Variants in RARB observed in about 807,000 individuals in gnomAD.
The protein encoded by RARB is retinoic acid receptor beta.
Under a neutral mutation model 51.9 loss-of-function variants are expected in RARB, and 17 were observed. The observed-to-expected ratio is 0.33, with a 90% CI of 0.22 to 0.49. The LOEUF is 0.49. Among genes scored for constraint, RARB ranks in the 20% least tolerant of loss-of-function variants. The pLI is 0.99. For synonymous variants in RARB, 215 were observed against 195.4 expected (o/e 1.10, Z -0.84); for missense variants, 369 against 550.8 (o/e 0.67, Z 3.30).
intron 3 of RARB, among the ~76,000 whole-genome samples, chr3:25,557,043 C>T (rs557375304): frequency 7.9e-5 from 12 of 152,048 alleles, no homozygotes; most frequent in Non-Finnish European, 1.3e-4. Flanking sequence ...TTGCATAAGG[C>T]AGTTTCTCAC....
At chr3:25,210,493 A>T (rs968115110) in intron 5 of RARB, among the ~76,000 whole-genome samples, 3 of 140,522 alleles carry the variant, frequency 2.1e-5, no homozygotes, top group South Asian at 2.3e-4. Flanking sequence ...CAGAGACTTC[A>T]TCTGACCCCT....
At chr3:25,148,955 T>A (rs889222926) in intron 4 of RARB, among the ~76,000 whole-genome samples, 10 of 147,660 alleles carry the variant, frequency 6.8e-5, no homozygotes, top group African/African-American at 2.2e-4. Context: ...CTCTGGCCTA[T>A]CTTTGTAGCC....
chr3:25,029,738 C>T (rs936932970), intron 2 of RARB, among the ~76,000 whole-genome samples: 2 of 152,166 alleles, frequency 1.3e-5, no homozygotes, highest in South Asian at 2.1e-4. Flanking sequence ...GAATAAGTCA[C>T]GTGTGGCACA....
intron 2 of RARB, among the ~76,000 whole-genome samples, chr3:24,977,019 T>A (rs1410600527): frequency 5.9e-5 from 9 of 152,218 alleles, no homozygotes. Flanking sequence ...AAATAGGGAA[T>A]CCTTTTCCCA....
chr3:25,158,209 A>T (rs1700410371), intron 4 of RARB, among the ~76,000 whole-genome samples: 1 of 152,176 alleles, frequency 6.6e-6, no homozygotes, highest in South Asian at 2.1e-4. Context: ...TATCCTGGGG[A>T]CTGGCTACCA....
chr3:25,585,154 A>C (rs73820554), intron 5 of RARB, among the ~76,000 whole-genome samples: 2,640 of 152,254 alleles, frequency 0.017, 67 homozygotes, highest in African/African-American at 0.06. Context: ...TGAAGATGGC[A>C]ATAGAAGCTT....
intron 5 of RARB, among the ~76,000 whole-genome samples, chr3:25,197,028 T>A (rs1201897854): frequency 6.6e-6 from 1 of 152,168 alleles, no homozygotes; most frequent in African/African-American, 2.4e-5. Context: ...GCCTGTTCAC[T>A]CTCATGGTAG....
chr3:25,318,457 A>C (rs985466123), intron 5 of RARB, among the ~76,000 whole-genome samples: 1 of 152,190 alleles, frequency 6.6e-6, no homozygotes, highest in African/African-American at 2.4e-5. Context: ...ATTGTACTAA[A>C]ATGGATGGTG....
rs376641774 is a variant in RARB at position 24,909,415 on chromosome 3, C to T, written c.-380+50663C>T. ...TGCTCTCCAGCACATTAATTTTTGA[C>T]GTATTAAAGTTCACTGACGCGGGTG... On this transcript the variant is annotated intron_variant, in intron 2 of 11. Coordinates refer to the RARB transcript ENST00000383772. Among the ~76,000 whole-genome samples the T allele has an allele frequency of 1.7e-3, 252 of 152,150 alleles. 1 individual carries two copies. In the Middle Eastern group the frequency reaches 0.017, roughly 10 times the overall value.
rs536716451 is a variant in RARB, at chr3:25,469,851, G to C, written c.306+8510G>C. Among the ~76,000 whole-genome samples, 38 of 152,292 alleles carry C rather than the reference G, an allele frequency of 2.5e-4. No homozygotes were observed. The South Asian group carries it at 6.8e-3, about 27-fold the overall frequency. On this transcript the variant is annotated intron_variant, in intron 2 of 7. Coordinates refer to ENST00000330688, the MANE Select transcript of RARB (RefSeq NM_000965.5). The stretch of plus-strand genomic sequence containing the variant: ...GCAGAAAACATGAGAAGCTAGGTGT[G>C]GTAAAAGGATTTAAATTCTGGCTTT...
chr3:25,520,811 C>T (rs1698369868), intron 3 of RARB, among the ~76,000 whole-genome samples: 1 of 152,122 alleles, frequency 6.6e-6, no homozygotes, highest in Admixed American at 6.6e-5. Flanking sequence ...AACTTATTAC[C>T]CTTCACTGAA....
chr3:24,840,009 A>G (rs1000780948), intron 1 of RARB, among the ~76,000 whole-genome samples: 2 of 152,106 alleles, frequency 1.3e-5, no homozygotes, highest in African/African-American at 4.8e-5. Context: ...CAAACTAATG[A>G]GACTTTGAGT....
At chr3:24,985,913 C>G (rs935636565) in intron 2 of RARB, among the ~76,000 whole-genome samples, 2 of 152,206 alleles carry the variant, frequency 1.3e-5, no homozygotes, top group Non-Finnish European at 2.9e-5. Flanking sequence ...CAGGACAGAA[C>G]TGCAAAGAGA....
At chr3:25,197,281 TATGGCTAGCCAGTTTTCCCAGTACC>T (rs1168258461) in intron 5 of RARB, among the ~76,000 whole-genome samples, 1 of 152,096 alleles carries the variant, frequency 6.6e-6, no homozygotes, top group African/African-American at 2.4e-5. Context: ...GCTTTCTGCA[TATGGCTAGCCAGTTTTCCCAGTACC>T]ATTTATGAAA....
intron 3 of RARB, among the ~76,000 whole-genome samples, chr3:25,131,053 A>G (rs11129183): frequency 0.56 from 84,559 of 150,322 alleles, 24,070 homozygotes; most frequent in East Asian, 0.71. Context: ...ATCAATATTT[A>G]TTATTATTTC....
intron 5 of RARB, among the ~76,000 whole-genome samples, chr3:25,361,493 A>G (rs1705932302): frequency 6.6e-6 from 1 of 151,960 alleles, no homozygotes; most frequent in Admixed American, 6.6e-5. Context: ...AATTTATCAA[A>G]CTCATTCTCC....
At chr3:25,187,089 G>A (rs143541342) in intron 5 of RARB, among the ~76,000 whole-genome samples, 25 of 152,136 alleles carry the variant, frequency 1.6e-4, no homozygotes, top group African/African-American at 5.8e-4. Flanking sequence ...TTCAGAGATA[G>A]GGATGTGCCT....
At chr3:25,054,623 G>A (rs1236355290) in intron 2 of RARB, among the ~76,000 whole-genome samples, 1 of 152,152 alleles carries the variant, frequency 6.6e-6, no homozygotes, top group Non-Finnish European at 1.5e-5. Context: ...GCCCCTGAGG[G>A]GAAAGGGGGA....
intron 5 of RARB, among the ~76,000 whole-genome samples, chr3:25,402,075 C>T (rs905877772): frequency 6.6e-6 from 1 of 151,890 alleles, no homozygotes; most frequent in East Asian, 1.9e-4. Context: ...TGCACCCAGC[C>T]TGAAAATTTT....
Sources: gnomAD v4.1 joint callset for allele counts (sites outside exome capture counted in the v4.1 genomes callset) on GRCh38, gnomAD v4.1.1 for gene constraint, MANE v1.5 for transcripts, NCBI Gene and HGNC (gene_info 2026-07-23, HGNC 2026-07-21) for gene names.